Variants in DLG2 observed in about 807,000 individuals in gnomAD.
DLG2 encodes the protein disks large homolog 2.
DLG2 carries 45 observed loss-of-function variants against 132.5 expected under a neutral mutation model. That is an observed-to-expected ratio of 0.34 (90% CI 0.27 to 0.44). The LOEUF (loss-of-function observed/expected upper bound fraction) is 0.44. Among genes scored for constraint, DLG2 ranks in the 20% least tolerant of loss-of-function variants. The pLI is 1.00. For missense variants in DLG2, 1,045 were observed against 1,196.9 expected, an observed-to-expected ratio of 0.87 and a Z score of 1.87; for synonymous variants, 424 against 419.6, an observed-to-expected ratio of 1.01 and a Z score of -0.13.
At chr11:84,484,449 G>A (rs758938699) in intron 7 of DLG2, among the ~76,000 whole-genome samples, 1 of 152,100 alleles carries the variant, frequency 6.6e-6, no homozygotes, top group African/African-American at 2.4e-5. Flanking sequence ...ATCTGAACTG[G>A]ATTAAGCTAG....
intron 10 of DLG2, among the ~76,000 whole-genome samples, chr11:84,085,398 C>T (rs184519243): frequency 6.6e-6 from 1 of 152,266 alleles, no homozygotes; most frequent in East Asian, 1.9e-4. Context: ...AATGCCTTAT[C>T]ACCACTTAAA....
At chr11:85,534,845 G>A (rs544188377) in intron 3 of DLG2, among the ~76,000 whole-genome samples, 1 of 152,284 alleles carries the variant, frequency 6.6e-6, no homozygotes, top group African/African-American at 2.4e-5. Flanking sequence ...TTTCCCTTGG[G>A]TATGTATGCA....
At chr11:83,697,831 C>T (rs2082196178) in intron 18 of DLG2, among the ~76,000 whole-genome samples, 1 of 152,086 alleles carries the variant, frequency 6.6e-6, no homozygotes, top group South Asian at 2.1e-4. Context: ...CAGAGAGGCC[C>T]AGAATATTGA....
intron 9 of DLG2, among the ~76,000 whole-genome samples, chr11:84,106,842 TTTG>T (rs2092959813): frequency 1.0e-5 from 1 of 99,964 alleles, no homozygotes; most frequent in African/African-American, 3.7e-5. Context: ...TGTGTGTGTG[TTTG>T]AGTGAGTGTG....
intron 6 of DLG2, among the ~76,000 whole-genome samples, chr11:84,995,060 G>A (rs929292030): frequency 4.6e-5 from 7 of 152,190 alleles, no homozygotes; most frequent in Admixed American, 2.6e-4. Context: ...TATTTGAGAA[G>A]AGGAGTGCAA....
intron 9 of DLG2, among the ~76,000 whole-genome samples, chr11:84,138,686 C>A (rs986315430): frequency 6.6e-6 from 1 of 152,202 alleles, no homozygotes; most frequent in African/African-American, 2.4e-5. Flanking sequence ...CGGTGGTTCA[C>A]GCCCATAATC....
chr11:84,957,518 C>T (rs2051870706), intron 6 of DLG2, among the ~76,000 whole-genome samples: 1 of 152,188 alleles, frequency 6.6e-6, no homozygotes, highest in African/African-American at 2.4e-5. Flanking sequence ...GCCTAGAAGG[C>T]AGAGGCCAGT....
At chr11:84,808,138 A>C (rs1403829587) in intron 6 of DLG2, among the ~76,000 whole-genome samples, 3 of 152,160 alleles carry the variant, frequency 2.0e-5, no homozygotes, top group Non-Finnish European at 4.4e-5. Context: ...AATCATAGAG[A>C]GTGTGTTATC....
At chr11:84,654,803 A>T (rs2099686249) in intron 6 of DLG2, among the ~76,000 whole-genome samples, 1 of 152,134 alleles carries the variant, frequency 6.6e-6, no homozygotes, top group Non-Finnish European at 1.5e-5. Context: ...GCTGGCATGA[A>T]GTTCAGAGGC....
At chr11:84,778,418 A>G (rs532418229) in intron 6 of DLG2, among the ~76,000 whole-genome samples, 24 of 152,200 alleles carry the variant, frequency 1.6e-4, no homozygotes, top group East Asian at 1.9e-4. Context: ...CTTGCTTAAG[A>G]CGTTTTGAGT....
chr11:85,598,634 T>A lies in DLG2; in HGVS notation c.40+23A>T, dbSNP rs374504467. ...AGCCCAATTCTGACCATTAAAATGA[T>A]GAATAACTTTCATAATACATACCTA... On this transcript the variant is annotated intron_variant, in intron 3 of 27. Transcript: ENST00000376104. 3.9e-6 allele frequency: 6 copies of A among 1,521,650 alleles called. No individual in the cohort carries two copies. The African/African-American group carries it at 7.1e-5, about 18-fold the overall frequency. 94.3% of individuals were successfully genotyped at this position (1,521,650 alleles called of 1,614,324 possible). A position where few individuals can be genotyped will look rare whatever the true frequency, so the allele number is the denominator to read the frequency against.
chr11:85,049,307 A>G (rs1210776625), intron 6 of DLG2, among the ~76,000 whole-genome samples: 1 of 151,998 alleles, frequency 6.6e-6, no homozygotes, highest in Admixed American at 6.6e-5. Flanking sequence ...AGGAGTATTT[A>G]AAAAATTTGT....
chr11:85,047,073 G>C (rs1328581030), intron 6 of DLG2, among the ~76,000 whole-genome samples: 12 of 152,100 alleles, frequency 7.9e-5, no homozygotes, highest in Non-Finnish European at 1.8e-4. Context: ...TGGCACAAAT[G>C]TAGGTGAGTT....
chr11:84,222,532 T>C (rs1415298857), intron 8 of DLG2, among the ~76,000 whole-genome samples: 1 of 152,194 alleles, frequency 6.6e-6, no homozygotes, highest in Non-Finnish European at 1.5e-5. Flanking sequence ...TAACAACAAT[T>C]ATAGTACTAT....
At chr11:85,132,450 C>T (rs1266489741) in intron 5 of DLG2, among the ~76,000 whole-genome samples, 2 of 151,766 alleles carry the variant, frequency 1.3e-5, no homozygotes, top group Non-Finnish European at 1.5e-5. Context: ...GTATGTGCTA[C>T]ACTACTACTA....
intron 7 of DLG2, among the ~76,000 whole-genome samples, chr11:84,473,981 G>A (rs1028481435): frequency 6.6e-6 from 1 of 151,990 alleles, no homozygotes; most frequent in Non-Finnish European, 1.5e-5. Context: ...TCTCAGAGAG[G>A]TGGTAAAAGT....
chr11:84,308,410 T>C (rs2098250141), intron 7 of DLG2, among the ~76,000 whole-genome samples: 1 of 152,162 alleles, frequency 6.6e-6, no homozygotes, highest in Non-Finnish European at 1.5e-5. Context: ...ATAGTGCCCA[T>C]TGGTGTATTT....
intron 6 of DLG2, among the ~76,000 whole-genome samples, chr11:84,835,054 T>C (rs2079562279): frequency 1.3e-5 from 2 of 151,686 alleles, no homozygotes; most frequent in Non-Finnish European, 3.0e-5. Flanking sequence ...CAGAGTGTCC[T>C]AAAGTTATTA....
chr11:83,544,692 G>A (rs536599261), intron 19 of DLG2, among the ~76,000 whole-genome samples: 37 of 152,144 alleles, frequency 2.4e-4, no homozygotes, highest in Admixed American at 1.9e-3. Context: ...CATAGTCATC[G>A]TCTTATTTGA....
Sources: allele counts gnomAD v4.1 joint callset (sites outside exome capture counted in the v4.1 genomes callset), GRCh38; gene constraint gnomAD v4.1.1; transcripts MANE v1.5; gene names NCBI Gene and HGNC (gene_info 2026-07-23, HGNC 2026-07-21).